Variants in CCBE1 observed in about 807,000 individuals in gnomAD.
The protein encoded by CCBE1 is collagen and calcium-binding EGF domain-containing protein 1.
In CCBE1, 37 loss-of-function variants were observed where a neutral mutation model predicts 50.0. The ratio of observed to expected loss-of-function variants is 0.74; its 90% CI spans 0.57 to 0.97. The LOEUF (loss-of-function observed/expected upper bound fraction) is 0.97. Among genes scored for constraint, CCBE1 ranks in the 50% least tolerant of loss-of-function variants. CCBE1 has a pLI of 0.00. For missense variants in CCBE1, 538 were observed against 523.8 expected (o/e 1.03, Z -0.26); for synonymous variants, 234 against 203.7 (o/e 1.15, Z -1.27).
intron 7 of CCBE1, among the ~76,000 whole-genome samples, chr18:59,440,480 C>T (rs555288027): frequency 2.7e-4 from 41 of 152,262 alleles, no homozygotes; most frequent in African/African-American, 9.9e-4. Context: ...AGTCTTTCTG[C>T]CCCGAACCAG....
intron 2 of CCBE1, among the ~76,000 whole-genome samples, chr18:59,693,618 A>T (rs1240470538): frequency 6.6e-6 from 1 of 152,152 alleles, no homozygotes; most frequent in Admixed American, 6.5e-5. Flanking sequence ...ATCATACACC[A>T]TTGCTTATTG....
chr18:59,504,889 C>T (rs757291664), intron 2 of CCBE1, among the ~76,000 whole-genome samples: 2 of 152,120 alleles, frequency 1.3e-5, no homozygotes, highest in Admixed American at 6.6e-5. Flanking sequence ...TGCCATTTGG[C>T]CTCATGAAGG....
chr18:59,613,510 A>G (rs1401765980), intron 2 of CCBE1, among the ~76,000 whole-genome samples: 2 of 152,248 alleles, frequency 1.3e-5, no homozygotes, highest in Non-Finnish European at 2.9e-5. Flanking sequence ...GGAAACTTAC[A>G]AATTACACTC....
In CCBE1 at chr18:59,547,061, G is replaced by A. The variant is rs973759883; in HGVS notation, c.213-66823C>T. Among the ~76,000 whole-genome samples, 100 of 106,920 alleles carry A rather than the reference G, an allele frequency of 9.4e-4. 2 individuals carry two copies. The highest frequency in any genetic ancestry group is 3.3e-3 in the African/African-American group (84 of 25,516). The allele number at this position is 106,920 out of a possible 152,430, so 70.1% of individuals were successfully genotyped here. On this transcript the variant is annotated intron_variant, in intron 2 of 10. Transcript: ENST00000439986. Reference sequence around the variant, plus strand: ...AGAGAGGGGGAGAGAGGGGGAGAGAGGGGGAGAGAGGGGGAGAGAAAGGGA... The same window carrying A: ...AGAGAGGGGGAGAGAGGGGGAGAGAAGGGGAGAGAGGGGGAGAGAAAGGGA...
chr18:59,586,212 A>T (rs1166368030), intron 2 of CCBE1, among the ~76,000 whole-genome samples: 1 of 152,230 alleles, frequency 6.6e-6, no homozygotes, highest in African/African-American at 2.4e-5. Context: ...AGTTTTTAAA[A>T]CAAAAGTCAC....
chr18:59,555,025 CTCTCAT>C (rs2052636150), intron 2 of CCBE1, among the ~76,000 whole-genome samples: 1 of 152,216 alleles, frequency 6.6e-6, no homozygotes, highest in African/African-American at 2.4e-5. Context: ...CCTTAGATTT[CTCTCAT>C]TCTAACATTC....
At chr18:59,551,713 G>A (rs1476043076) in intron 2 of CCBE1, among the ~76,000 whole-genome samples, 2 of 152,160 alleles carry the variant, frequency 1.3e-5, no homozygotes, top group East Asian at 3.8e-4. Flanking sequence ...CAGTGATTCA[G>A]GACTTCTTTG....
intron 2 of CCBE1, among the ~76,000 whole-genome samples, chr18:59,571,541 G>T (rs2052915270): frequency 7.7e-6 from 1 of 129,938 alleles, no homozygotes. Context: ...ATGAATAATG[G>T]GTGCAGCACA....
chr18:59,470,226 G>A (rs981178241), intron 3 of CCBE1, among the ~76,000 whole-genome samples: 1 of 152,182 alleles, frequency 6.6e-6, no homozygotes, highest in Non-Finnish European at 1.5e-5. Context: ...GAGCAAAGCT[G>A]CTTCTTACAT....
At chr18:59,491,265 C>T (rs1913083341) in intron 2 of CCBE1, among the ~76,000 whole-genome samples, 1 of 152,144 alleles carries the variant, frequency 6.6e-6, no homozygotes, top group South Asian at 2.1e-4. Context: ...TGTCCCCTTG[C>T]CACCTCGCCC....
At chr18:59,612,669 G>C (rs534480037) in intron 2 of CCBE1, among the ~76,000 whole-genome samples, 4 of 152,282 alleles carry the variant, frequency 2.6e-5, no homozygotes, top group African/African-American at 7.2e-5. Context: ...ATAAGTAATG[G>C]AGCCAAGATG....
intron 2 of CCBE1, among the ~76,000 whole-genome samples, chr18:59,588,073 AATCC>A (rs1251000164): frequency 2.0e-5 from 3 of 152,238 alleles, no homozygotes; most frequent in Non-Finnish European, 4.4e-5. Flanking sequence ...GATTGAATAA[AATCC>A]TAATAGATTG....
rs776171672 is a variant in CCBE1, at chr18:59,436,028, C to T, written c.1101G>A (p.Glu367=). The T allele has an allele frequency of 6.8e-6, 11 of 1,614,206 alleles. No homozygotes were observed. The highest frequency in any genetic ancestry group is 1.6e-4 in the Middle Eastern group (1 of 6,062). Residue 367 remains glutamate, a synonymous_variant, in exon 11 of 11, where the codon GAG becomes GAA. Transcript: ENST00000439986. ...TGGGAAATTCCTGAGGTAAAGGGAA[C>T]TCCTCTGCTGAAGAGTGAGTCCGGT... The part of the protein sequence containing the change: ...FGHRTHSSAE[E]FPLPQEFPSY...
chr18:59,607,729 T>C (rs141752207), intron 2 of CCBE1, among the ~76,000 whole-genome samples: 5 of 152,176 alleles, frequency 3.3e-5, no homozygotes, highest in Non-Finnish European at 7.3e-5. Context: ...ACTTCCTGTG[T>C]GACACTGATT....
intron 2 of CCBE1, among the ~76,000 whole-genome samples, chr18:59,604,654 A>C (rs918733292): frequency 2.6e-5 from 4 of 152,200 alleles, no homozygotes; most frequent in African/African-American, 9.6e-5. Flanking sequence ...TAAAGAAGGA[A>C]ATTTCCATGG....
chr18:59,581,988 G>A (rs774467322), intron 2 of CCBE1, among the ~76,000 whole-genome samples: 1 of 152,106 alleles, frequency 6.6e-6, no homozygotes, highest in African/African-American at 2.4e-5. Context: ...GGCTAAGTGT[G>A]AAGATTAAAG....
At chr18:59,681,859 A>G (rs9948154) in intron 2 of CCBE1, among the ~76,000 whole-genome samples, 4,994 of 152,282 alleles carry the variant, frequency 0.033, 85 homozygotes, top group East Asian at 0.07. Flanking sequence ...CGAGATGATC[A>G]CCCTTGTGTT....
At chr18:59,447,842 G>T (rs1446990973) in intron 7 of CCBE1, 141 bp downstream of exon 7, 1 of 1,247,038 alleles carries the variant, frequency 8.0e-7, no homozygotes, top group Non-Finnish European at 1.1e-6. Context: ...TCATTGCATG[G>T]GTGTGTGGCA....
chr18:59,480,059 A>G (rs1400226347), intron 3 of CCBE1, 127 bp downstream of exon 3: 1 of 704,654 alleles, frequency 1.4e-6, no homozygotes, highest in Non-Finnish European at 2.4e-6. Flanking sequence ...GCCAAAAAAT[A>G]TACACAGACA....
Sources: gnomAD v4.1 joint callset for allele counts (sites outside exome capture counted in the v4.1 genomes callset) on GRCh38, gnomAD v4.1.1 for gene constraint, MANE v1.5 for transcripts, NCBI Gene and HGNC (gene_info 2026-07-23, HGNC 2026-07-21) for gene names.